The following CUBN variants were observed in gnomAD, a reference collection of about 807,000 sequenced individuals.
The protein encoded by CUBN is 460 kDa receptor.
A neutral mutation model predicts 405.3 loss-of-function variants in CUBN; 282 were observed. The ratio of observed to expected loss-of-function variants is 0.70; its 90% confidence interval spans 0.63 to 0.77. CUBN has a LOEUF of 0.77. Ranked by LOEUF, CUBN falls within the 30% of genes least tolerant of loss-of-function variation. The pLI is 0.00. For synonymous variants in CUBN, 1,684 were observed against 1,617.0 expected (o/e 1.04, Z -0.99); for missense variants, 4,514 against 4,475.2 (o/e 1.01, Z -0.25).
At chr10:16,962,011 C>T (rs368650110) in intron 31 of CUBN, among the ~76,000 whole-genome samples, 7 of 152,232 alleles carry the variant, frequency 4.6e-5, no homozygotes, top group African/African-American at 1.4e-4. Flanking sequence ...GGCGCCCGGC[C>T]GGAAAAGCAA....
intron 22 of CUBN, among the ~76,000 whole-genome samples, chr10:17,064,723 G>A (rs1480053698): frequency 6.6e-6 from 1 of 152,174 alleles, no homozygotes; most frequent in Non-Finnish European, 1.5e-5. Context: ...GGGGCTGGGA[G>A]CATCTCTGGT....
At chr10:16,959,910 T>G (rs1400615910) in intron 31 of CUBN, among the ~76,000 whole-genome samples, 1 of 152,232 alleles carries the variant, frequency 6.6e-6, no homozygotes, top group Non-Finnish European at 1.5e-5. Context: ...GCATTGATTT[T>G]CTGATCGTTA....
chr10:16,936,117 C>T (rs1265717243), intron 39 of CUBN, among the ~76,000 whole-genome samples: 1 of 151,950 alleles, frequency 6.6e-6, no homozygotes, highest in Non-Finnish European at 1.5e-5. Context: ...AGGTTTATGG[C>T]TCTCTTCTTC....
At chr10:16,960,699 G>A (rs1014755915) in intron 31 of CUBN, among the ~76,000 whole-genome samples, 4 of 152,210 alleles carry the variant, frequency 2.6e-5, no homozygotes, top group Admixed American at 6.5e-5. Context: ...AGAAACAGCT[G>A]TCCTTGCCCT....
chr10:17,031,520 T>G (rs1011730640), intron 27 of CUBN, among the ~76,000 whole-genome samples: 1 of 152,218 alleles, frequency 6.6e-6, no homozygotes, highest in Non-Finnish European at 1.5e-5. Context: ...ATTCTGAAGT[T>G]ACCTGCTTCA....
intron 54 of CUBN, 129 bp downstream of exon 54, chr10:16,898,867 C>G (rs1319183348): frequency 1.4e-6 from 1 of 734,318 alleles, no homozygotes; most frequent in Non-Finnish European, 2.5e-6. Context: ...TTCTCACTTT[C>G]TCACTTTTCA....
intron 22 of CUBN, among the ~76,000 whole-genome samples, chr10:17,048,114 G>A (rs1003498154): frequency 2.0e-5 from 3 of 152,204 alleles, no homozygotes; most frequent in Non-Finnish European, 2.9e-5. Flanking sequence ...CTGCAGCCTT[G>A]GGAGAGTTAC....
Position 17,068,121 on chromosome 10 carries a change from T to C in CUBN, c.2951A>G (p.Asn984Ser), listed in dbSNP as rs200851536. 210 of 1,613,438 alleles carry C rather than the reference T, an allele frequency of 1.3e-4. 1 individual carries two copies. The South Asian group carries it at 1.5e-3, about 12-fold the overall frequency. ...FETFHLEFHY[N>S]CTNDYLEVYD... ...AACTTCCAAGTAGTCGTTTGTGCAA[T>C]TGTAATGAAACTCCAGATGAAATGT... The change falls in exon 21 of 67, where the codon AAT becomes AGT. Residue 984 changes from asparagine (N) to serine (S), a missense_variant. Physicochemically the swap from Asn to Ser is conservative, Grantham distance 46. Coordinates refer to ENST00000377833, the MANE Select transcript of CUBN (RefSeq NM_001081.4).
At position 17,122,912 on chromosome 10, in the gene CUBN, A is replaced by G; in HGVS notation, c.490-14T>C. ...GCAGAGAGGACCCTGTGATCATATAAGGAACAAAGTCAGGTGCCAAAGGTC... is the reference window on the plus strand; with the variant it reads ...GCAGAGAGGACCCTGTGATCATATAGGGAACAAAGTCAGGTGCCAAAGGTC... On this transcript the variant is annotated splice_polypyrimidine_tract_variant and intron_variant, in intron 5 of 66. Coordinates refer to ENST00000377833, the MANE Select transcript of CUBN (RefSeq NM_001081.4). 6.3e-7 allele frequency: 1 copy of G among 1,593,022 alleles called. No homozygotes were observed. The highest frequency in any genetic ancestry group is 8.6e-7 in the Non-Finnish European group (1 of 1,160,880).
At chr10:17,044,818 C>T (rs1490285932) in intron 25 of CUBN, among the ~76,000 whole-genome samples, 189 bp downstream of exon 25, 6 of 152,150 alleles carry the variant, frequency 3.9e-5, no homozygotes, top group Non-Finnish European at 7.4e-5. Context: ...CTTAGTGTAT[C>T]GAGCCATTGA....
chr10:16,963,751 A>T (rs996254987), intron 31 of CUBN, among the ~76,000 whole-genome samples: 4 of 152,238 alleles, frequency 2.6e-5, no homozygotes, highest in African/African-American at 9.6e-5. Flanking sequence ...TATGCATTAC[A>T]ATGCAGAAAA....
intron 58 of CUBN, among the ~76,000 whole-genome samples, chr10:16,870,606 C>A (rs1840321538): frequency 6.6e-6 from 1 of 152,192 alleles, no homozygotes; most frequent in Admixed American, 6.5e-5. Context: ...CTTGCTTTGC[C>A]ACACTGCCTT....
At chr10:16,979,535 C>T (rs1384067498) in intron 31 of CUBN, among the ~76,000 whole-genome samples, 1 of 152,126 alleles carries the variant, frequency 6.6e-6, no homozygotes, top group Admixed American at 6.6e-5. Flanking sequence ...AGAAATAACG[C>T]CACACATCTA....
chr10:16,922,811 C>T (rs1842074281), intron 43 of CUBN, among the ~76,000 whole-genome samples: 1 of 151,828 alleles, frequency 6.6e-6, no homozygotes, highest in Non-Finnish European at 1.5e-5. Flanking sequence ...TCTGTGCATT[C>T]CTCTTTCTAG....
chr10:17,099,582 C>T (rs1836451722), intron 14 of CUBN, among the ~76,000 whole-genome samples: 2 of 152,196 alleles, frequency 1.3e-5, no homozygotes, highest in African/African-American at 4.8e-5. Flanking sequence ...GTCACAGTGG[C>T]TCATGCCTGT....
At chr10:17,025,653 A>G (rs1054677960) in intron 27 of CUBN, among the ~76,000 whole-genome samples, 1 of 152,178 alleles carries the variant, frequency 6.6e-6, no homozygotes, top group Non-Finnish European at 1.5e-5. Context: ...ATGAGAAAAG[A>G]AAGATGTTGG....
chr10:17,042,009 A>G (rs1835031508), intron 26 of CUBN, among the ~76,000 whole-genome samples: 1 of 152,182 alleles, frequency 6.6e-6, no homozygotes, highest in African/African-American at 2.4e-5. Flanking sequence ...ATGATGTGCA[A>G]TAAAAGAGAA....
chr10:16,855,411 T>C (rs369301604), intron 59 of CUBN, among the ~76,000 whole-genome samples: 1 of 152,156 alleles, frequency 6.6e-6, no homozygotes, highest in Non-Finnish European at 1.5e-5. Flanking sequence ...TACGTTTTGT[T>C]CTTGTTTTTA....
intron 48 of CUBN, among the ~76,000 whole-genome samples, chr10:16,910,094 T>C (rs1457858907): frequency 6.6e-6 from 1 of 151,946 alleles, no homozygotes; most frequent in Non-Finnish European, 1.5e-5. Flanking sequence ...CTCCCTCTCC[T>C]TCTCATTCTC....
Sources: gnomAD v4.1 joint callset for allele counts (sites outside exome capture counted in the v4.1 genomes callset) on GRCh38, gnomAD v4.1.1 for gene constraint, MANE v1.5 for transcripts, NCBI Gene and HGNC (gene_info 2026-07-23, HGNC 2026-07-21) for gene names.